SNTG1: variants seen among roughly 807,000 people sequenced by gnomAD.
The protein encoded by SNTG1 is syntrophin gamma 1, also known as gamma-1-syntrophin.
Under a neutral mutation model 74.7 loss-of-function variants are expected in SNTG1, and 39 were observed. That is an observed-to-expected ratio of 0.52 (90% CI 0.40 to 0.68). The LOEUF is 0.68. Among genes scored for constraint, SNTG1 ranks in the 30% least tolerant of loss-of-function variants. The pLI, the probability that SNTG1 is intolerant of heterozygous loss-of-function variation, is 0.00. For missense variants in SNTG1, 685 were observed against 609.5 expected (o/e 1.12, Z -1.30); for synonymous variants, 254 against 217.1 (o/e 1.17, Z -1.49).
chr8:50,320,760 C>T (rs1271493563), intron 2 of SNTG1, among the ~76,000 whole-genome samples: 8 of 151,758 alleles, frequency 5.3e-5, no homozygotes, highest in African/African-American at 1.9e-4. Flanking sequence ...TTCTCAATTT[C>T]TTCATTGACC....
chr8:49,917,412 G>A (rs747344088), intron 1 of SNTG1, among the ~76,000 whole-genome samples: 4 of 152,130 alleles, frequency 2.6e-5, no homozygotes, highest in Non-Finnish European at 2.9e-5. Context: ...ACTTAAGTTC[G>A]AATCCTGTTA....
chr8:50,223,615 T>C (rs1403008973), intron 2 of SNTG1, among the ~76,000 whole-genome samples: 4 of 152,092 alleles, frequency 2.6e-5, no homozygotes, highest in Admixed American at 1.3e-4. Flanking sequence ...AGATAATAAT[T>C]TGATGAAATG....
At chr8:50,173,821 A>G (rs867342725) in intron 2 of SNTG1, among the ~76,000 whole-genome samples, 6 of 152,274 alleles carry the variant, frequency 3.9e-5, no homozygotes, top group Middle Eastern at 6.8e-3. Context: ...TTAAACAATT[A>G]TCTTTTTAAA....
intron 12 of SNTG1, among the ~76,000 whole-genome samples, chr8:50,570,897 C>A (rs1348800934): frequency 2.6e-5 from 4 of 152,006 alleles, no homozygotes; most frequent in Non-Finnish European, 5.9e-5. Context: ...AGCCACCACA[C>A]CTCTGGCTCT....
chr8:50,369,817 C>T (rs924663702), intron 2 of SNTG1, among the ~76,000 whole-genome samples: 5 of 152,092 alleles, frequency 3.3e-5, no homozygotes, highest in African/African-American at 1.2e-4. Context: ...ATTATGGCAG[C>T]CCAAACTGAC....
chr8:50,285,541 A>G (rs2088720703), intron 2 of SNTG1, among the ~76,000 whole-genome samples: 1 of 152,170 alleles, frequency 6.6e-6, no homozygotes, highest in African/African-American at 2.4e-5. Context: ...CTTAGGAAAT[A>G]CACACTTAAA....
At chr8:50,206,841 T>C (rs143556421) in intron 2 of SNTG1, among the ~76,000 whole-genome samples, 1 of 152,350 alleles carries the variant, frequency 6.6e-6, no homozygotes, top group Non-Finnish European at 1.5e-5. Flanking sequence ...TTTTTGTCTT[T>C]GGTTCTGTTT....
At chr8:50,648,247 A>G (rs193131331) in intron 13 of SNTG1, among the ~76,000 whole-genome samples, 107 of 152,300 alleles carry the variant, frequency 7.0e-4, no homozygotes, top group Non-Finnish European at 1.1e-3. Flanking sequence ...CAGTGATGAT[A>G]TTTCTGGAAG....
intron 1 of SNTG1, among the ~76,000 whole-genome samples, chr8:50,117,612 T>C (rs1205035821): frequency 6.6e-6 from 1 of 152,156 alleles, no homozygotes; most frequent in Non-Finnish European, 1.5e-5. Flanking sequence ...GCTCCATTGC[T>C]GTCTGAGTCT....
intron 2 of SNTG1, among the ~76,000 whole-genome samples, chr8:50,182,037 A>G (rs1748997974): frequency 6.6e-6 from 1 of 152,200 alleles, no homozygotes; most frequent in Non-Finnish European, 1.5e-5. Context: ...TCTTTGTTAC[A>G]GTATATAATG....
chr8:50,654,994 T>G (rs1394626868), intron 13 of SNTG1, among the ~76,000 whole-genome samples: 1 of 152,204 alleles, frequency 6.6e-6, no homozygotes, highest in Non-Finnish European at 1.5e-5. Context: ...TCATGTGACA[T>G]TTCCGTGTAG....
At chr8:50,016,024 T>G (rs1333596718) in intron 1 of SNTG1, among the ~76,000 whole-genome samples, 2 of 152,010 alleles carry the variant, frequency 1.3e-5, no homozygotes, top group Admixed American at 6.6e-5. Flanking sequence ...GGCCTTGCAG[T>G]TTTCAGTGCA....
chr8:50,139,057 C>T (rs2081573918), intron 1 of SNTG1, among the ~76,000 whole-genome samples: 1 of 152,164 alleles, frequency 6.6e-6, no homozygotes, highest in South Asian at 2.1e-4. Context: ...TGTATGAATC[C>T]ATTTGTAATG....
chr8:50,240,929 T>C (rs1290284795), intron 2 of SNTG1, among the ~76,000 whole-genome samples: 2 of 152,230 alleles, frequency 1.3e-5, no homozygotes, highest in Non-Finnish European at 2.9e-5. Flanking sequence ...TCTGGATTTT[T>C]TTTCCCTAAC....
chr8:50,521,716 A>T lies in SNTG1; in HGVS notation c.467-8461A>T, dbSNP rs187393062. Among the ~76,000 whole-genome samples, 312 of 152,308 alleles carry T rather than the reference A, an allele frequency of 2.0e-3. 2 individuals are homozygous for T. Among genetic ancestry groups the T allele is most frequent in the African/African-American group, 7.0e-3 (291 of 41,582 alleles). On this transcript the variant is annotated intron_variant, in intron 9 of 18. Coordinates refer to ENST00000642720, the MANE Select transcript of SNTG1 (RefSeq NM_018967.5). ...AACTCTGCAACCATTTTATCAACTA[A>T]GTTTATGTAATATTCTAAATACTTT...
At chr8:50,244,330 T>A (rs2086295091) in intron 2 of SNTG1, among the ~76,000 whole-genome samples, 1 of 152,072 alleles carries the variant, frequency 6.6e-6, no homozygotes, top group South Asian at 2.1e-4. Flanking sequence ...GTGACAAATA[T>A]CCAAATCATG....
chr8:50,003,890 C>G lies in SNTG1; in HGVS notation c.-103+91659C>G, dbSNP rs1814973972. On this transcript the variant is annotated intron_variant, in intron 1 of 18. Transcript: ENST00000642720. ...CTGTTTTCTGGAGTCTGTTACTGGCCCAAAACAATCTGGGGGAAGTGAATT... is the reference window on the plus strand; with the variant it reads ...CTGTTTTCTGGAGTCTGTTACTGGCGCAAAACAATCTGGGGGAAGTGAATT... 2.0e-5 allele frequency among the ~76,000 whole-genome samples: 3 copies of G among 151,984 alleles called. 1 individual carries two copies. In the South Asian group the frequency reaches 6.2e-4, roughly 32 times the overall value.
At chr8:50,384,587 G>A (rs2092544026) in intron 2 of SNTG1, among the ~76,000 whole-genome samples, 1 of 152,168 alleles carries the variant, frequency 6.6e-6, no homozygotes, top group Admixed American at 6.5e-5. Flanking sequence ...CTATGCTGCT[G>A]ACAAATTGGG....
At chr8:50,344,269 A>C (rs920152487) in intron 2 of SNTG1, among the ~76,000 whole-genome samples, 6 of 152,194 alleles carry the variant, frequency 3.9e-5, no homozygotes, top group African/African-American at 1.4e-4. Context: ...CTTTGTTAAA[A>C]ATTACACAAA....
Sources: allele counts gnomAD v4.1 joint callset (sites outside exome capture counted in the v4.1 genomes callset), GRCh38; gene constraint gnomAD v4.1.1; transcripts MANE v1.5; gene names NCBI Gene and HGNC (gene_info 2026-07-23, HGNC 2026-07-21).